The following SMIM45 variants were observed in gnomAD, a reference collection of about 807,000 sequenced individuals.
The protein encoded by SMIM45 is small integral membrane protein 45.
chr22:41,950,073 A>AC, the SMIM45 span, among the ~76,000 whole-genome samples: 3 of 86,608 alleles, frequency 3.5e-5, no homozygotes, highest in Non-Finnish European at 7.7e-5. Flanking sequence ...CAGAACCCCC[A>AC]CCCCCACCCA....
the SMIM45 span, chr22:41,947,224 A>G: frequency 3.0e-6 from 2 of 676,648 alleles, no homozygotes; most frequent in Non-Finnish European, 5.2e-6. Flanking sequence ...AAAGGAACCG[A>G]ACCTTTATCT....
At chr22:41,955,050 G>GGCGC in the SMIM45 span, among the ~76,000 whole-genome samples, 1 of 151,764 alleles carries the variant, frequency 6.6e-6, no homozygotes, top group Non-Finnish European at 1.5e-5. Flanking sequence ...TAAGGTTTGT[G>GGCGC]ACGCACCTTA....
At chr22:41,958,462 G>C in the SMIM45 span, 1 of 446,096 alleles carries the variant, frequency 2.2e-6, no homozygotes, top group East Asian at 7.0e-5. Context: ...ATAAGACCGT[G>C]GTAGAGGAGA....
the SMIM45 span, chr22:41,947,157 C>T: frequency 1.0e-5 from 14 of 1,373,790 alleles, no homozygotes; most frequent in Non-Finnish European, 1.4e-5. Context: ...TAGAGCGCGG[C>T]CTGGGGGCAC....
the SMIM45 span, among the ~76,000 whole-genome samples, chr22:41,948,842 C>A: frequency 6.6e-6 from 1 of 152,150 alleles, no homozygotes; most frequent in Non-Finnish European, 1.5e-5. Flanking sequence ...GCGGGCGGAT[C>A]ACCTGACATC....
chr22:41,949,458 C>G, the SMIM45 span, among the ~76,000 whole-genome samples: 1 of 152,190 alleles, frequency 6.6e-6, no homozygotes, highest in African/African-American at 2.4e-5. Context: ...CCTGGCACTT[C>G]CGAGGCGTAG....
the SMIM45 span, among the ~76,000 whole-genome samples, chr22:41,949,137 C>G: frequency 6.6e-6 from 1 of 151,086 alleles, no homozygotes; most frequent in African/African-American, 2.4e-5. Context: ...ACCACCTACT[C>G]GGGAGGCTGA....
chr22:41,947,249 C>A, the SMIM45 span: 2 of 612,450 alleles, frequency 3.3e-6, no homozygotes, highest in African/African-American at 3.7e-5. Flanking sequence ...TTCTGAGGGG[C>A]GTTCCAGCGC....
chr22:41,954,305 C>T, the SMIM45 span, among the ~76,000 whole-genome samples: 8 of 149,256 alleles, frequency 5.4e-5, no homozygotes, highest in African/African-American at 2.0e-4. Context: ...CTCCCAGGCT[C>T]AAGCGATTTT....
At chr22:41,951,673 T>C in the SMIM45 span, among the ~76,000 whole-genome samples, 1 of 152,318 alleles carries the variant, frequency 6.6e-6, no homozygotes, top group East Asian at 1.9e-4. Flanking sequence ...TAAGAATTAA[T>C]TGAGTTAATA....
the SMIM45 span, among the ~76,000 whole-genome samples, chr22:41,950,049 G>A: frequency 1.3e-5 from 2 of 151,928 alleles, no homozygotes; most frequent in South Asian, 2.1e-4. Flanking sequence ...GGGGGATTCC[G>A]AGTGGGTGGG....
chr22:41,947,963 G>C, the SMIM45 span, among the ~76,000 whole-genome samples: 1 of 152,166 alleles, frequency 6.6e-6, no homozygotes, highest in African/African-American at 2.4e-5. Flanking sequence ...TGAGTGGTAA[G>C]CATGCTGTTC....
chr22:41,949,520 T>C, the SMIM45 span, among the ~76,000 whole-genome samples: 6 of 151,580 alleles, frequency 4.0e-5, no homozygotes, highest in Non-Finnish European at 8.8e-5. Flanking sequence ...GGGGAGGAGG[T>C]GAGGCCACGG....
At chr22:41,956,597 G>A in the SMIM45 span, among the ~76,000 whole-genome samples, 4 of 152,206 alleles carry the variant, frequency 2.6e-5, no homozygotes, top group African/African-American at 7.2e-5. Context: ...GGGGCACAAG[G>A]AGACCAGAGG....
At chr22:41,950,577 G>T in the SMIM45 span, among the ~76,000 whole-genome samples, 1 of 152,138 alleles carries the variant, frequency 6.6e-6, no homozygotes, top group African/African-American at 2.4e-5. Flanking sequence ...ATGCATTTGT[G>T]GTCCAAGCTA....
chr22:41,952,793 G>C, the SMIM45 span, among the ~76,000 whole-genome samples: 1 of 152,170 alleles, frequency 6.6e-6, no homozygotes, highest in African/African-American at 2.4e-5. Context: ...ACATCCCCCA[G>C]CATTGCAGCT....
chr22:41,956,467 T>C, the SMIM45 span, among the ~76,000 whole-genome samples: 2 of 152,228 alleles, frequency 1.3e-5, no homozygotes, highest in Non-Finnish European at 2.9e-5. Flanking sequence ...TTCACTACAC[T>C]TTCACCAGGC....
At chr22:41,948,074 C>G in the SMIM45 span, among the ~76,000 whole-genome samples, 9 of 152,156 alleles carry the variant, frequency 5.9e-5, no homozygotes, top group Non-Finnish European at 1.2e-4. Context: ...ACATACCCAG[C>G]AAGAACATGC....
At chr22:41,951,845 C>A in the SMIM45 span, among the ~76,000 whole-genome samples, 2 of 152,176 alleles carry the variant, frequency 1.3e-5, no homozygotes, top group Non-Finnish European at 2.9e-5. Flanking sequence ...TGCCATTTAC[C>A]CCAGCATCTC....
Sources: allele counts gnomAD v4.1 joint callset (sites outside exome capture counted in the v4.1 genomes callset), GRCh38; gene constraint gnomAD v4.1.1; transcripts MANE v1.5; gene names NCBI Gene and HGNC (gene_info 2026-07-23, HGNC 2026-07-21).